Variants in CDKAL1 observed in about 807,000 individuals in gnomAD.
CDKAL1 encodes threonylcarbamoyladenosine tRNA methylthiotransferase.
CDKAL1 carries 32 observed loss-of-function variants against 68.2 expected under a neutral mutation model. That is an observed-to-expected ratio of 0.47 (90% CI 0.35 to 0.63). The LOEUF is 0.63. Ranked by LOEUF, CDKAL1 falls within the 30% of genes least tolerant of loss-of-function variation. The probability of loss-of-function intolerance (pLI) is 0.00; values close to 1 mark genes in which losing one functional copy is unlikely to be tolerated. For missense variants in CDKAL1, 606 were observed against 696.7 expected, an observed-to-expected ratio of 0.87 and a Z score of 1.47; for synonymous variants, 234 against 244.3, an observed-to-expected ratio of 0.96 and a Z score of 0.39.
intron 4 of CDKAL1, among the ~76,000 whole-genome samples, chr6:20,548,912 G>A (rs1411607988): frequency 1.3e-5 from 2 of 152,162 alleles, no homozygotes; most frequent in Admixed American, 1.3e-4. Context: ...CAGAAAAGTA[G>A]TAAAATTAGA....
intron 10 of CDKAL1, among the ~76,000 whole-genome samples, chr6:20,977,661 T>A (rs1765906679): frequency 1.3e-5 from 2 of 152,188 alleles, no homozygotes; most frequent in South Asian, 4.1e-4. Context: ...GCGGATCCCT[T>A]GAGCACAGGA....
chr6:20,955,769 A>G (rs557658211), intron 10 of CDKAL1, among the ~76,000 whole-genome samples, 184 bp downstream of exon 10: 96 of 151,844 alleles, frequency 6.3e-4, no homozygotes, highest in Non-Finnish European at 1.1e-3. Flanking sequence ...ACACTTTTTT[A>G]CTTCCTCATC....
At chr6:20,645,924 C>T (rs889404873) in intron 4 of CDKAL1, among the ~76,000 whole-genome samples, 58 of 151,952 alleles carry the variant, frequency 3.8e-4, no homozygotes, top group African/African-American at 1.3e-3. Context: ...ACATCTTGTC[C>T]CACTGGAAGA....
intron 5 of CDKAL1, among the ~76,000 whole-genome samples, chr6:20,713,076 G>A (rs1771924685): frequency 6.6e-6 from 1 of 152,186 alleles, no homozygotes. Context: ...CTTGATGCCT[G>A]TAATGAGAAG....
chr6:20,711,304 C>T (rs1396904063), intron 5 of CDKAL1, among the ~76,000 whole-genome samples: 1 of 152,038 alleles, frequency 6.6e-6, no homozygotes, highest in African/African-American at 2.4e-5. Context: ...TGTCATTAGC[C>T]AAATATGAGA....
chr6:20,783,332 G>T (rs932495455), intron 8 of CDKAL1, among the ~76,000 whole-genome samples: 1 of 152,138 alleles, frequency 6.6e-6, no homozygotes, highest in Non-Finnish European at 1.5e-5. Context: ...GTTAGATTAG[G>T]ATCCATTAGG....
chr6:20,647,934 G>A (rs1332279161), intron 4 of CDKAL1, among the ~76,000 whole-genome samples: 2 of 150,578 alleles, frequency 1.3e-5, no homozygotes, highest in African/African-American at 2.4e-5. Flanking sequence ...TTTTAGCTGG[G>A]CATGGTGGTG....
At chr6:20,732,621 C>G (rs1015979246) in intron 5 of CDKAL1, among the ~76,000 whole-genome samples, 8 of 151,944 alleles carry the variant, frequency 5.3e-5, no homozygotes, top group Non-Finnish European at 1.0e-4. Context: ...AGGAATCATT[C>G]CCGTTGTCTG....
chr6:21,225,776 C>T (rs879830767), intron 15 of CDKAL1, among the ~76,000 whole-genome samples: 11 of 152,090 alleles, frequency 7.2e-5, no homozygotes, highest in Admixed American at 1.3e-4. Context: ...AAAAATAGCA[C>T]GGGTCAATTC....
intron 9 of CDKAL1, among the ~76,000 whole-genome samples, chr6:20,915,916 A>G (rs1382416900): frequency 1.3e-5 from 2 of 151,978 alleles, no homozygotes; most frequent in South Asian, 2.1e-4. Flanking sequence ...ATTGGATCTC[A>G]AGATCCAATT....
At chr6:20,926,972 A>G (rs1024206898) in intron 9 of CDKAL1, among the ~76,000 whole-genome samples, 2 of 150,514 alleles carry the variant, frequency 1.3e-5, no homozygotes, top group African/African-American at 4.9e-5. Context: ...ATGGCTCTAT[A>G]GAGTTAGTCA....
intron 11 of CDKAL1, among the ~76,000 whole-genome samples, 160 bp downstream of exon 11, chr6:21,000,532 G>T (rs535028830): frequency 6.9e-6 from 1 of 144,150 alleles, no homozygotes; most frequent in South Asian, 2.3e-4. Context: ...CCTTTGATGT[G>T]GTTTTTTCTT....
chr6:20,817,009 A>C (rs12213857), intron 8 of CDKAL1, among the ~76,000 whole-genome samples: 15,717 of 152,170 alleles, frequency 0.1, 882 homozygotes, highest in South Asian at 0.13. Flanking sequence ...TTCTTTGAGG[A>C]CATTGTGTGT....
At chr6:20,558,497 T>G (rs1055400361) in intron 4 of CDKAL1, 15 of 456,606 alleles carry the variant, frequency 3.3e-5, no homozygotes, top group Admixed American at 2.6e-4. Context: ...AAACAGTAAG[T>G]GCATGAACTA....
intron 5 of CDKAL1, among the ~76,000 whole-genome samples, chr6:20,694,083 TG>T: frequency 1.3e-5 from 2 of 151,524 alleles, no homozygotes; most frequent in Middle Eastern, 6.8e-3. Context: ...TGTGTGTGTG[TG>T]TGTGTGTGTA....
At chr6:20,824,205 C>T (rs897411387) in intron 8 of CDKAL1, among the ~76,000 whole-genome samples, 6 of 152,100 alleles carry the variant, frequency 3.9e-5, no homozygotes, top group African/African-American at 1.2e-4. Context: ...GCCTCTTGAA[C>T]CTCTGGAGAG....
intron 5 of CDKAL1, among the ~76,000 whole-genome samples, chr6:20,719,840 A>G (rs1772262014): frequency 6.6e-6 from 1 of 152,138 alleles, no homozygotes; most frequent in African/African-American, 2.4e-5. Context: ...TGACTTTTAT[A>G]ATGCCCACTT....
intron 4 of CDKAL1, among the ~76,000 whole-genome samples, chr6:20,577,874 A>G (rs780319609): frequency 5.9e-5 from 9 of 152,218 alleles, no homozygotes; most frequent in Non-Finnish European, 1.3e-4. Flanking sequence ...TCATGGTATA[A>G]GCAGACTACA....
intron 15 of CDKAL1, among the ~76,000 whole-genome samples, chr6:21,214,209 G>A (rs779632842): frequency 6.6e-6 from 1 of 152,074 alleles, no homozygotes; most frequent in Non-Finnish European, 1.5e-5. Flanking sequence ...CAGAGTTTCT[G>A]CTTGGGGTGA....
Sources: allele counts gnomAD v4.1 joint callset (sites outside exome capture counted in the v4.1 genomes callset), GRCh38; gene constraint gnomAD v4.1.1; transcripts MANE v1.5; gene names NCBI Gene and HGNC (gene_info 2026-07-23, HGNC 2026-07-21).